Variants in LRRC4C observed in about 807,000 individuals in gnomAD.
LRRC4C encodes the protein leucine-rich repeat-containing protein 4C.
Under a neutral mutation model 33.6 loss-of-function variants are expected in LRRC4C, and 5 were observed. That is an observed-to-expected ratio of 0.15 (90% CI 0.08 to 0.31). The LOEUF is 0.31. Among genes scored for constraint, LRRC4C ranks in the 10% least tolerant of loss-of-function variants. The pLI is 1.00. For missense variants in LRRC4C, 560 were observed against 796.7 expected, an observed-to-expected ratio of 0.70 and a Z score of 3.58; for synonymous variants, 329 against 302.0, an observed-to-expected ratio of 1.09 and a Z score of -0.93.
chr11:40,642,786 C>T (rs535480535), intron 3 of LRRC4C, among the ~76,000 whole-genome samples: 1 of 152,274 alleles, frequency 6.6e-6, no homozygotes, highest in South Asian at 2.1e-4. Flanking sequence ...TGTATTCCTA[C>T]TCTGACAGGA....
At chr11:40,943,133 T>A (rs1369677138) in intron 1 of LRRC4C, among the ~76,000 whole-genome samples, 1 of 152,338 alleles carries the variant, frequency 6.6e-6, no homozygotes, top group East Asian at 1.9e-4. Context: ...AGTTGTTCTC[T>A]GAGAGGTGAT....
intron 1 of LRRC4C, among the ~76,000 whole-genome samples, chr11:41,205,905 C>T (rs1021271): frequency 0.43 from 65,669 of 151,878 alleles, 16,723 homozygotes; most frequent in South Asian, 0.63. Flanking sequence ...CAAGTTAGCA[C>T]TGGAAACACT....
In LRRC4C at chr11:40,166,641, G is replaced by A. The variant is rs754368598; in HGVS notation, c.-95-25788C>T. 8.5e-5 allele frequency among the ~76,000 whole-genome samples: 13 copies of A among 152,086 alleles called. No homozygotes were observed. The East Asian group carries it at 2.5e-3, about 29-fold the overall frequency. ...ATAGTATCAGGCAACTATGATGATC[G>A]AATAGGAGAATGCATTTAGACATGA... On this transcript the variant is annotated intron_variant, in intron 5 of 6. Coordinates refer to ENST00000528697, the MANE Select transcript of LRRC4C (RefSeq NM_001258419.2).
At chr11:41,428,055 A>G (rs1955106255) in intron 1 of LRRC4C, among the ~76,000 whole-genome samples, 1 of 152,076 alleles carries the variant, frequency 6.6e-6, no homozygotes, top group South Asian at 2.1e-4. Context: ...GCCTGCACCC[A>G]GGTGAAATAA....
chr11:40,745,530 A>G (rs1307152452), intron 2 of LRRC4C, among the ~76,000 whole-genome samples: 1 of 152,216 alleles, frequency 6.6e-6, no homozygotes, highest in Admixed American at 6.5e-5. Flanking sequence ...CTGAATTAGC[A>G]TAAAACAACT....
At chr11:40,617,301 TA>T (rs1223054420) in intron 3 of LRRC4C, among the ~76,000 whole-genome samples, 1 of 151,734 alleles carries the variant, frequency 6.6e-6, no homozygotes, top group Non-Finnish European at 1.5e-5. Context: ...AACACTTGTA[TA>T]AAGGAGGTTT....
chr11:40,211,689 T>C (rs190818202), intron 5 of LRRC4C, among the ~76,000 whole-genome samples: 1 of 152,332 alleles, frequency 6.6e-6, no homozygotes, highest in African/African-American at 2.4e-5. Flanking sequence ...TGTAGTTATA[T>C]GACTAAGTTC....
At chr11:41,182,917 G>C (rs561197708) in intron 1 of LRRC4C, among the ~76,000 whole-genome samples, 1 of 151,710 alleles carries the variant, frequency 6.6e-6, no homozygotes, top group African/African-American at 2.4e-5. Context: ...AATCATGGGG[G>C]AAGGCAAGGA....
intron 3 of LRRC4C, among the ~76,000 whole-genome samples, chr11:40,323,233 T>A (rs996482444): frequency 3.3e-5 from 5 of 152,234 alleles, no homozygotes; most frequent in Non-Finnish European, 7.3e-5. Flanking sequence ...TCACTTGTTT[T>A]CTTAATTATA....
chr11:40,522,667 C>A (rs562121185), intron 3 of LRRC4C, among the ~76,000 whole-genome samples: 1 of 151,728 alleles, frequency 6.6e-6, no homozygotes, highest in East Asian at 1.9e-4. Flanking sequence ...TTTCATGTAC[C>A]CTAACTGAAA....
chr11:40,905,383 T>A (rs1956373117), intron 2 of LRRC4C, among the ~76,000 whole-genome samples: 1 of 151,424 alleles, frequency 6.6e-6, no homozygotes, highest in South Asian at 2.1e-4. Flanking sequence ...AGGGCTCACA[T>A]ATAGAAGGCA....
chr11:41,229,462 C>A (rs1172139940), intron 1 of LRRC4C, among the ~76,000 whole-genome samples: 1 of 152,106 alleles, frequency 6.6e-6, no homozygotes, highest in Non-Finnish European at 1.5e-5. Flanking sequence ...CAGTCTATAG[C>A]AACGATCACC....
chr11:40,400,776 A>G (rs779955189), intron 3 of LRRC4C, among the ~76,000 whole-genome samples: 4 of 152,104 alleles, frequency 2.6e-5, no homozygotes, highest in Non-Finnish European at 5.9e-5. Flanking sequence ...ACTCCTACTT[A>G]TAGTTTAAGT....
At chr11:40,738,978 G>A (rs1948022572) in intron 2 of LRRC4C, among the ~76,000 whole-genome samples, 1 of 151,484 alleles carries the variant, frequency 6.6e-6, no homozygotes, top group African/African-American at 2.4e-5. Flanking sequence ...CAAACTAATC[G>A]ACATATCTGT....
chr11:40,742,827 T>C (rs548946167), intron 2 of LRRC4C, among the ~76,000 whole-genome samples: 2 of 152,082 alleles, frequency 1.3e-5, no homozygotes, highest in Admixed American at 1.3e-4. Context: ...TGAGATAATA[T>C]AAAAACCACC....
intron 1 of LRRC4C, among the ~76,000 whole-genome samples, chr11:41,341,229 T>C (rs984434118): frequency 1.3e-5 from 2 of 152,134 alleles, no homozygotes; most frequent in East Asian, 1.9e-4. Flanking sequence ...TTAGTGAACT[T>C]AGAATGACCT....
intron 3 of LRRC4C, among the ~76,000 whole-genome samples, chr11:40,490,980 TTC>T (rs1954119771): frequency 2.0e-5 from 3 of 152,024 alleles, no homozygotes; most frequent in African/African-American, 7.2e-5. Context: ...AATGGTAATT[TTC>T]TGTTATAAAA....
intron 5 of LRRC4C, among the ~76,000 whole-genome samples, chr11:40,199,602 GA>G (rs1862540627): frequency 1.3e-5 from 2 of 152,112 alleles, no homozygotes; most frequent in Admixed American, 6.5e-5. Flanking sequence ...GAAAGACCAA[GA>G]AAGAGAACAC....
Position 40,591,229 on chromosome 11 carries a change from C to T in LRRC4C, c.-270+56913G>A, listed in dbSNP as rs535624859. Among the ~76,000 whole-genome samples the T allele has an allele frequency of 3.9e-4, 59 of 152,202 alleles. No homozygotes were observed. The South Asian group carries it at 0.011, about 29-fold the overall frequency. On this transcript the variant is annotated intron_variant, in intron 3 of 6. Coordinates refer to ENST00000528697, the MANE Select transcript of LRRC4C (RefSeq NM_001258419.2). Reference sequence around the variant, plus strand: ...GAAAAGCGCAGTATTCGGGTGGGAGCGACCCGATTTTCCAGGTGCCATCCG... The same window carrying T: ...GAAAAGCGCAGTATTCGGGTGGGAGTGACCCGATTTTCCAGGTGCCATCCG...
Sources: allele counts gnomAD v4.1 joint callset (sites outside exome capture counted in the v4.1 genomes callset), GRCh38; gene constraint gnomAD v4.1.1; transcripts MANE v1.5; gene names NCBI Gene and HGNC (gene_info 2026-07-23, HGNC 2026-07-21).